VWF: variants seen among roughly 807,000 people sequenced by gnomAD.
VWF encodes von Willebrand factor, also known as Factor VIII related antigen.
VWF carries 176 observed loss-of-function variants against 308.6 expected under a neutral mutation model. That is an observed-to-expected ratio of 0.57 (90% CI 0.50 to 0.65). VWF has a LOEUF of 0.65. Among genes scored for constraint, VWF ranks in the 30% least tolerant of loss-of-function variants. The pLI is 0.00. For synonymous variants in VWF, 1,385 were observed against 1,443.4 expected, an observed-to-expected ratio of 0.96 and a Z score of 0.92; for missense variants, 3,146 against 3,648.2, an observed-to-expected ratio of 0.86 and a Z score of 3.55.
Position 5,984,905 on chromosome 12 carries a change from TGGAG to T in VWF, c.6976+136_6976+139del. 3.6e-6 allele frequency: 3 copies of T among 841,124 alleles called. No individual in the cohort carries two copies. The Admixed American group carries it at 6.3e-5, about 18-fold the overall frequency. 52.1% of individuals were successfully genotyped at this position (841,124 alleles called of 1,614,324 possible). A position where few individuals can be genotyped will look rare whatever the true frequency, so the allele number is the denominator to read the frequency against. ...CCAGAGGTAACCCTTTCCACTTTTT[TGGAG>T]TATCCAGTCGGTCCTTACCCACCTC... On this transcript the variant is annotated intron_variant, in intron 40 of 51. Transcript: ENST00000261405.
In VWF at chr12:5,949,310, A is replaced by T. The variant is rs555426295; in HGVS notation, c.8254-107T>A. 3,321 of 1,192,394 alleles carry T rather than the reference A, an allele frequency of 2.8e-3. 23 individuals are homozygous for T. The highest frequency in any genetic ancestry group is 0.011 in the South Asian group (845 of 77,936). The allele number at this position is 1,192,394 out of a possible 1,614,324, so 73.9% of individuals were successfully genotyped here. A position where few individuals can be genotyped will look rare whatever the true frequency, so the allele number is the denominator to read the frequency against. On this transcript the variant is annotated intron_variant, in intron 51 of 51. Coordinates refer to ENST00000261405, the MANE Select transcript of VWF (RefSeq NM_000552.5). ...CTCCCTGACCCCCTCCAAGCAAGGCAGGTCTGATCTCACCCAGAAGCACCC... is the reference window on the plus strand; with the variant it reads ...CTCCCTGACCCCCTCCAAGCAAGGCTGGTCTGATCTCACCCAGAAGCACCC...
chr12:6,105,316 T>C (rs1329749212), intron 5 of VWF, among the ~76,000 whole-genome samples: 1 of 152,012 alleles, frequency 6.6e-6, no homozygotes, highest in Non-Finnish European at 1.5e-5. Flanking sequence ...GCAACCTCCG[T>C]CCCCTGGGTT....
chr12:6,002,516 T>G (rs2136394457), intron 34 of VWF, among the ~76,000 whole-genome samples: 1 of 152,018 alleles, frequency 6.6e-6, no homozygotes, highest in African/African-American at 2.4e-5. Flanking sequence ...TTTCAAGACC[T>G]CTATACAATA....
chr12:5,972,000 CCCT>C (rs988241453), intron 43 of VWF, among the ~76,000 whole-genome samples: 4 of 152,180 alleles, frequency 2.6e-5, no homozygotes, highest in African/African-American at 9.7e-5. Flanking sequence ...GCCCAGAGTT[CCCT>C]TAGCAGCAGC....
At chr12:6,095,677 G>T in intron 5 of VWF, 93 bp from the exon 6 acceptor site, 5 of 1,584,960 alleles carry the variant, frequency 3.2e-6, no homozygotes, top group Non-Finnish European at 4.3e-6. Context: ...GGTTTTGTGT[G>T]TTTTGTTTTA....
intron 6 of VWF, among the ~76,000 whole-genome samples, chr12:6,090,003 G>C (rs942294581): frequency 2.0e-5 from 3 of 151,966 alleles, no homozygotes; most frequent in Admixed American, 2.0e-4. Flanking sequence ...TGTCACCCAG[G>C]CTGGAGTGCA....
At chr12:6,018,132 T>A (rs1210174661) in intron 28 of VWF, among the ~76,000 whole-genome samples, 1 of 151,992 alleles carries the variant, frequency 6.6e-6, no homozygotes, top group African/African-American at 2.4e-5. Flanking sequence ...CCTTTGAATT[T>A]ATAGAAGCAC....
At chr12:6,097,069 T>C (rs948905377) in intron 5 of VWF, among the ~76,000 whole-genome samples, 2 of 152,028 alleles carry the variant, frequency 1.3e-5, no homozygotes, top group African/African-American at 4.8e-5. Flanking sequence ...TGTGCTTGAG[T>C]TAGGGATCTT....
At chr12:6,023,549 C>T in intron 25 of VWF, 82 bp downstream of exon 25, 1 of 1,567,702 alleles carries the variant, frequency 6.4e-7, no homozygotes, top group South Asian at 1.2e-5. Flanking sequence ...TGAAGATATC[C>T]CCCTGCACTC....
At chr12:6,057,307 T>C (rs1029597962) in intron 14 of VWF, among the ~76,000 whole-genome samples, 2 of 146,964 alleles carry the variant, frequency 1.4e-5, no homozygotes, top group African/African-American at 5.2e-5. Flanking sequence ...ACGGGGACTA[T>C]GGAATTTTTT....
intron 5 of VWF, among the ~76,000 whole-genome samples, chr12:6,105,904 G>C (rs1003397681): frequency 1.3e-5 from 2 of 151,998 alleles, no homozygotes; most frequent in African/African-American, 4.8e-5. Context: ...TTAGCTGTGC[G>C]TGGTGGCATG....
intron 44 of VWF, among the ~76,000 whole-genome samples, chr12:5,970,896 T>C (rs1407865274): frequency 6.6e-6 from 1 of 152,208 alleles, no homozygotes; most frequent in Non-Finnish European, 1.5e-5. Flanking sequence ...CTGAAAGAAC[T>C]GTGATTCTCC....
At chr12:5,962,375 C>T (rs1488554057) in intron 47 of VWF, among the ~76,000 whole-genome samples, 1 of 151,680 alleles carries the variant, frequency 6.6e-6, no homozygotes, top group Non-Finnish European at 1.5e-5. Context: ...CATTAAATAC[C>T]CAAAACAATC....
chr12:6,099,085 C>T (rs937431341), intron 5 of VWF, among the ~76,000 whole-genome samples: 5 of 151,812 alleles, frequency 3.3e-5, no homozygotes, highest in Non-Finnish European at 4.4e-5. Flanking sequence ...TTTGGGAGGC[C>T]GAGGCAGGTG....
At chr12:6,071,594 C>T (rs559423605) in intron 9 of VWF, among the ~76,000 whole-genome samples, 1 of 152,260 alleles carries the variant, frequency 6.6e-6, no homozygotes, top group African/African-American at 2.4e-5. Flanking sequence ...AAAAAAACTA[C>T]CTGATCCCCC....
Position 5,952,527 on chromosome 12 carries a change from G to T in VWF, c.7987-8C>A. ...CTGGAGCGTCTCATCACGCTGGAAG[G>T]AAAGAGGAGTGGGTAAAGTCAGAGA... On this transcript the variant is annotated splice_region_variant and splice_polypyrimidine_tract_variant and intron_variant, in intron 48 of 51. Coordinates refer to ENST00000261405, the MANE Select transcript of VWF (RefSeq NM_000552.5). 6.2e-7 allele frequency: 1 copy of T among 1,613,288 alleles called. No individual in the cohort carries two copies. Among genetic ancestry groups the T allele is most frequent in the South Asian group, 1.1e-5 (1 of 91,000 alleles).
At chr12:5,968,371 A>G (rs539510491) in intron 45 of VWF, among the ~76,000 whole-genome samples, 30 of 151,306 alleles carry the variant, frequency 2.0e-4, no homozygotes, top group Non-Finnish European at 1.5e-5. Context: ...GCAGCCCACA[A>G]TGAGAAGAGC....
chr12:6,103,823 A>G (rs1945211045), intron 5 of VWF, among the ~76,000 whole-genome samples: 1 of 152,204 alleles, frequency 6.6e-6, no homozygotes, highest in South Asian at 2.1e-4. Context: ...CCTAGAAAAA[A>G]ACCTTGGGAA....
At chr12:6,107,708 G>T (rs1945258916) in intron 5 of VWF, among the ~76,000 whole-genome samples, 2 of 151,978 alleles carry the variant, frequency 1.3e-5, no homozygotes, top group Non-Finnish European at 2.9e-5. Context: ...GCCCAGGCTG[G>T]AGTGCAGTGG....
Sources: allele counts gnomAD v4.1 joint callset (sites outside exome capture counted in the v4.1 genomes callset), GRCh38; gene constraint gnomAD v4.1.1; transcripts MANE v1.5; gene names NCBI Gene and HGNC (gene_info 2026-07-23, HGNC 2026-07-21).